CTIF: variants seen among roughly 807,000 people sequenced by gnomAD.
The protein encoded by CTIF is cap binding complex dependent translation initiation factor, also known as CBP80/20-dependent translation initiation factor.
In CTIF, 21 loss-of-function variants were observed where a neutral mutation model predicts 66.0. The observed-to-expected ratio is 0.32, with a 90% confidence interval of 0.23 to 0.46. CTIF has a LOEUF of 0.46. CTIF is among the 20% of genes least tolerant of loss of function. The pLI, the probability that CTIF is intolerant of heterozygous loss-of-function variation, is 1.00. For synonymous variants in CTIF, 345 were observed against 326.4 expected, an observed-to-expected ratio of 1.06 and a Z score of -0.62; for missense variants, 739 against 812.7, an observed-to-expected ratio of 0.91 and a Z score of 1.10.
At chr18:48,723,316 G>A (rs940452270) in intron 7 of CTIF, among the ~76,000 whole-genome samples, 2 of 151,972 alleles carry the variant, frequency 1.3e-5, no homozygotes, top group African/African-American at 4.8e-5. Context: ...CTAGGGGAGG[G>A]CTGCTGCCTC....
At chr18:48,699,148 C>G (rs976677114) in intron 6 of CTIF, among the ~76,000 whole-genome samples, 10 of 151,240 alleles carry the variant, frequency 6.6e-5, no homozygotes, top group Non-Finnish European at 1.2e-4. Context: ...TCCTGGTGCC[C>G]GACGGCCCCA....
intron 7 of CTIF, among the ~76,000 whole-genome samples, chr18:48,738,738 G>A (rs779504120): frequency 7.2e-5 from 11 of 152,066 alleles, no homozygotes; most frequent in Admixed American, 3.9e-4. Flanking sequence ...GCCTTCCCAC[G>A]CTCTGGCATT....
chr18:48,694,784 C>T (rs2091981179), intron 6 of CTIF, among the ~76,000 whole-genome samples: 1 of 152,212 alleles, frequency 6.6e-6, no homozygotes, highest in African/African-American at 2.4e-5. Flanking sequence ...CTTAAAGCAT[C>T]TGGATTCTCT....
At chr18:48,717,738 T>A (rs201527459) in intron 7 of CTIF, among the ~76,000 whole-genome samples, 131 of 152,294 alleles carry the variant, frequency 8.6e-4, no homozygotes, top group Non-Finnish European at 1.6e-3. Flanking sequence ...CTTCAAAATT[T>A]TTTTTAGCAA....
At chr18:48,755,908 A>C (rs1908311943) in intron 7 of CTIF, 1 of 152,262 alleles carries the variant, frequency 6.6e-6, no homozygotes, top group Non-Finnish European at 1.5e-5. Context: ...AGGTAGAAAG[A>C]AGACAGACAG....
intron 6 of CTIF, among the ~76,000 whole-genome samples, chr18:48,673,059 C>G (rs1406983383): frequency 6.6e-6 from 1 of 152,166 alleles, no homozygotes; most frequent in Non-Finnish European, 1.5e-5. Context: ...CTCAGATGCA[C>G]AGGATGGAGT....
intron 1 of CTIF, chr18:48,565,300 TC>T (rs1324085551): frequency 6.6e-6 from 1 of 152,178 alleles, no homozygotes; most frequent in African/African-American, 2.4e-5. Flanking sequence ...TTCCTGGCTG[TC>T]AAGGGCCTTG....
At chr18:48,801,632 T>G (rs1599072916) in intron 9 of CTIF, among the ~76,000 whole-genome samples, 1 of 152,234 alleles carries the variant, frequency 6.6e-6, no homozygotes, top group Non-Finnish European at 1.5e-5. Flanking sequence ...TTTCTCAAAT[T>G]CTATAAATAG....
At chr18:48,722,139 A>G (rs535214531) in intron 7 of CTIF, among the ~76,000 whole-genome samples, 1 of 148,368 alleles carries the variant, frequency 6.7e-6, no homozygotes, top group Non-Finnish European at 1.5e-5. Context: ...GCCCCTGTGT[A>G]TATTTTTCCT....
At chr18:48,708,548 C>T (rs2220016) in intron 6 of CTIF, among the ~76,000 whole-genome samples, 47,765 of 151,944 alleles carry the variant, frequency 0.31, 8,686 homozygotes, top group African/African-American at 0.5. Context: ...ATTCACTTAT[C>T]CACCTAGATG....
chr18:48,855,555 A>G (rs928827181), intron 10 of CTIF, among the ~76,000 whole-genome samples: 2 of 152,264 alleles, frequency 1.3e-5, no homozygotes, highest in African/African-American at 4.8e-5. Flanking sequence ...TGCCAGCAAC[A>G]GAACCGTCTC....
chr18:48,853,234 A>ATAT (rs1312237040), intron 10 of CTIF, among the ~76,000 whole-genome samples: 35 of 152,258 alleles, frequency 2.3e-4, no homozygotes, highest in African/African-American at 8.2e-4. Context: ...TAGGCAAACA[A>ATAT]GTATATAATA....
At chr18:48,548,429 G>A (rs1292605009) in intron 1 of CTIF, among the ~76,000 whole-genome samples, 2 of 152,246 alleles carry the variant, frequency 1.3e-5, no homozygotes, top group Non-Finnish European at 2.9e-5. Flanking sequence ...ACAGCATGCG[G>A]TTTATCTGTC....
intron 9 of CTIF, among the ~76,000 whole-genome samples, chr18:48,768,994 G>T (rs899909626): frequency 6.6e-6 from 1 of 152,212 alleles, no homozygotes; most frequent in African/African-American, 2.4e-5. Flanking sequence ...GGGTCGCTGA[G>T]TCTCTGAGCT....
intron 10 of CTIF, among the ~76,000 whole-genome samples, chr18:48,854,877 C>G (rs1198313544): frequency 6.6e-6 from 1 of 152,212 alleles, no homozygotes; most frequent in African/African-American, 2.4e-5. Flanking sequence ...GAGCTGTGAT[C>G]AAGATGTATA....
chr18:48,588,629 C>A (rs2089822912), intron 1 of CTIF, among the ~76,000 whole-genome samples: 2 of 152,226 alleles, frequency 1.3e-5, no homozygotes, highest in Non-Finnish European at 2.9e-5. Context: ...CCCTGCCCGG[C>A]TCGCTCCACA....
At chr18:48,659,191 C>A (rs1005719004) in intron 3 of CTIF, among the ~76,000 whole-genome samples, 1 of 152,078 alleles carries the variant, frequency 6.6e-6, no homozygotes, top group African/African-American at 2.4e-5. Flanking sequence ...ATATGCACTG[C>A]AGTTCTTATA....
intron 1 of CTIF, among the ~76,000 whole-genome samples, chr18:48,571,837 T>C (rs1555647350): frequency 2.6e-5 from 4 of 151,744 alleles, no homozygotes; most frequent in Non-Finnish European, 5.9e-5. Context: ...AACAGAACCA[T>C]GAGAGAGAGA....
chr18:48,767,123 GACTA>G (rs1909643144), intron 9 of CTIF, among the ~76,000 whole-genome samples: 2 of 152,168 alleles, frequency 1.3e-5, no homozygotes, highest in South Asian at 4.1e-4. Flanking sequence ...AGACTAGACT[GACTA>G]ACTAGATGAT....
Sources: allele counts gnomAD v4.1 joint callset (sites outside exome capture counted in the v4.1 genomes callset), GRCh38; gene constraint gnomAD v4.1.1; transcripts MANE v1.5; gene names NCBI Gene and HGNC (gene_info 2026-07-23, HGNC 2026-07-21).